Variants in HEATR3 observed in about 807,000 individuals in gnomAD.
The protein encoded by HEATR3 is HEAT repeat-containing protein 3.
Under a neutral mutation model 72.8 loss-of-function variants are expected in HEATR3, and 56 were observed. The ratio of observed to expected loss-of-function variants is 0.77; its 90% CI spans 0.62 to 0.96. HEATR3 has a LOEUF of 0.96. Among genes scored for constraint, HEATR3 ranks in the 40% least tolerant of loss-of-function variants. The probability of loss-of-function intolerance (pLI) is 0.00; values close to 1 mark genes in which losing one functional copy is unlikely to be tolerated. For synonymous variants in HEATR3, 331 were observed against 318.1 expected, an observed-to-expected ratio of 1.04 and a Z score of -0.43; for missense variants, 747 against 831.4, an observed-to-expected ratio of 0.90 and a Z score of 1.25.
At chr16:50,091,155 T>G (rs1047581516) in intron 11 of HEATR3, among the ~76,000 whole-genome samples, 1 of 141,682 alleles carries the variant, frequency 7.1e-6, no homozygotes, top group Non-Finnish European at 1.5e-5. Flanking sequence ...AAAAAGAAAT[T>G]AATTAATTAA....
At position 50,102,397 on chromosome 16, in the gene HEATR3, T is replaced by A. The variant is rs2037387596; in HGVS notation, c.1882T>A (p.Ser628Thr). 6.2e-7 allele frequency: 1 copy of A among 1,613,968 alleles called. No individual in the cohort carries two copies. ...ERASIQIKLL[S>T]ALKEFQPVFK... ...AGCCTCGATTCAAATTAAATTATTA[T>A]CTGCTCTGAAAGAATTCCAGCCGGT... The change falls in exon 14 of 15, where the codon TCT (serine) becomes ACT (threonine). Residue 628 changes from serine (S) to threonine (T), a missense_variant. Around this residue, in one of 2 missense-constraint regions of HEATR3, gnomAD observed 586 missense variants for 708.8 expected, o/e 0.83. Coordinates refer to ENST00000299192, the MANE Select transcript of HEATR3 (RefSeq NM_182922.4).
At position 50,105,960 on chromosome 16, in the gene HEATR3, A is replaced by G. The variant is rs1336707688; in HGVS notation, c.*899A>G. The G allele has an allele frequency of 2.0e-5, 3 of 152,302 alleles. No individual in the cohort carries two copies. The East Asian group carries it at 5.8e-4, about 29-fold the overall frequency. The allele number at this position is 152,302 out of a possible 1,614,324, so 9.4% of individuals were successfully genotyped here. A position where few individuals can be genotyped will look rare whatever the true frequency, so the allele number is the denominator to read the frequency against. On this transcript the variant is annotated 3_prime_UTR_variant, in exon 15 of 15. Transcript: ENST00000299192. ...GGCATATTTTAATCACTGGAAACTC[A>G]AAGAGTGGAAGAGTGGAAGTGCGAA...
rs775826997 is a variant in HEATR3 at position 50,066,428 on chromosome 16, A to G, written c.200A>G (p.Gln67Arg). ...CACAGLARLV[Q>R]QRPALPGLAR... is the part of the protein sequence containing the mutation. ...TGCGCAGGGCTGGCCCGGCTGGTGC[A>G]GCAGCGGCCGGCACTCCCGGGCCTG... The change falls in exon 2 of 15, where the codon CAG (glutamine) becomes CGG (arginine). Residue 67 changes from glutamine (Q) to arginine (R), a missense_variant. This residue lies in a region of HEATR3 where 161 missense variants were observed against 122.6 expected (regional missense o/e 1.31). Coordinates refer to ENST00000299192, the MANE Select transcript of HEATR3 (RefSeq NM_182922.4). 8.1e-6 allele frequency: 12 copies of G among 1,473,886 alleles called. No individual in the cohort carries two copies. The highest frequency in any genetic ancestry group is 5.4e-5 in the South Asian group (4 of 74,212). 91.3% of individuals were successfully genotyped at this position (1,473,886 alleles called of 1,614,324 possible).
intron 7 of HEATR3, among the ~76,000 whole-genome samples, chr16:50,081,019 T>G (rs1326997654): frequency 6.6e-6 from 1 of 152,168 alleles, no homozygotes; most frequent in Non-Finnish European, 1.5e-5. Flanking sequence ...TCTAACAAGG[T>G]TTAGATAGAA....
rs1567452622 is a variant in HEATR3, at chr16:50,105,065, A to G, written c.*4A>G. ...TGAGAAAAGACTGACTTCTTAAACA[A>G]TCCAAAAAAGAAACCAGTTCTTCCC... On this transcript the variant is annotated 3_prime_UTR_variant, in exon 15 of 15. Transcript: ENST00000299192. The G allele has an allele frequency of 6.2e-7, 1 of 1,607,998 alleles. No individual in the cohort carries two copies.
intron 11 of HEATR3, among the ~76,000 whole-genome samples, chr16:50,092,487 A>T (rs1597167120): frequency 8.0e-6 from 1 of 124,354 alleles, no homozygotes. Flanking sequence ...CCCAGGCTGG[A>T]GTGCAGTGGC....
intron 6 of HEATR3, among the ~76,000 whole-genome samples, chr16:50,076,733 T>A (rs1391341617): frequency 1.2e-5 from 1 of 85,988 alleles, no homozygotes; most frequent in African/African-American, 3.0e-5. Context: ...GGACTCTTGC[T>A]CTGTCACCCA....
At chr16:50,085,971 C>T (rs373832724) in intron 10 of HEATR3, among the ~76,000 whole-genome samples, 5 of 150,988 alleles carry the variant, frequency 3.3e-5, no homozygotes, top group East Asian at 4.0e-4. Context: ...GAGGCTACAG[C>T]GAGCTGTGAT....
chr16:50,101,927 CGTT>C (rs2037375320), intron 13 of HEATR3, among the ~76,000 whole-genome samples: 4 of 147,786 alleles, frequency 2.7e-5, no homozygotes, highest in African/African-American at 1.0e-4. Context: ...TTGTTGTTGT[CGTT>C]GTTGTTACAG....
Position 50,070,115 on chromosome 16 carries a change from C to G in HEATR3, c.400-63C>G. ...TCTAGCCTTTGTGTTTCATCACCATCATTACCCTATTTGTTTAATTCTTCT... is the reference window on the plus strand; with the variant it reads ...TCTAGCCTTTGTGTTTCATCACCATGATTACCCTATTTGTTTAATTCTTCT... On this transcript the variant is annotated intron_variant, in intron 3 of 14. Coordinates refer to ENST00000299192, the MANE Select transcript of HEATR3 (RefSeq NM_182922.4). The G allele has an allele frequency of 3.9e-6, 3 of 759,696 alleles. No homozygotes were observed. The Admixed American group carries it at 7.0e-5, about 18-fold the overall frequency. 47.1% of individuals were successfully genotyped at this position (759,696 alleles called of 1,614,324 possible). A position where few individuals can be genotyped will look rare whatever the true frequency, so the allele number is the denominator to read the frequency against.
At chr16:50,076,865 ATTTT>A (rs756365677) in intron 6 of HEATR3, among the ~76,000 whole-genome samples, 2 of 106,382 alleles carry the variant, frequency 1.9e-5, no homozygotes, top group African/African-American at 7.6e-5. Context: ...ACACCTGGCT[ATTTT>A]TTTTTTTTTT....
intron 11 of HEATR3, among the ~76,000 whole-genome samples, chr16:50,092,409 C>T (rs72796159): frequency 0.09 from 13,084 of 144,610 alleles, 669 homozygotes; most frequent in East Asian, 0.26. Flanking sequence ...GAACCTCTTC[C>T]AGGTCATTCT....
chr16:50,071,775 C>T (rs182750638), intron 4 of HEATR3, among the ~76,000 whole-genome samples: 8 of 152,166 alleles, frequency 5.3e-5, no homozygotes, highest in African/African-American at 1.9e-4. Context: ...GCTCTGTTAG[C>T]GTGTCATGTG....
chr16:50,070,637 G>A (rs2036591072), intron 4 of HEATR3, among the ~76,000 whole-genome samples: 1 of 152,084 alleles, frequency 6.6e-6, no homozygotes, highest in Admixed American at 6.6e-5. Context: ...TGGAGGCAGA[G>A]CTTGCAGTGA....
At position 50,086,281 on chromosome 16, in the gene HEATR3, G is replaced by A; in HGVS notation, c.1440G>A (p.Glu480=). Reference sequence around the variant, plus strand: ...GTCTTGTGTCCCTCCTGGATGTGGAGCACCTGGGAGGAGCCGCAGCCCTTC... The same window carrying A: ...GTCTTGTGTCCCTCCTGGATGTGGAACACCTGGGAGGAGCCGCAGCCCTTC... ...LQSLVSLLDV[E]HLGGAAALQT... is the part of the protein sequence containing the mutation. The change falls in exon 11 of 15, where the codon GAG becomes GAA. Residue 480 remains glutamate, a synonymous_variant. Coordinates refer to ENST00000299192, the MANE Select transcript of HEATR3 (RefSeq NM_182922.4). 1 of 1,586,050 alleles carries A rather than the reference G, an allele frequency of 6.3e-7. No individual in the cohort carries two copies. Among genetic ancestry groups the A allele is most frequent in the Non-Finnish European group, 8.6e-7 (1 of 1,165,064 alleles).
rs964936953 is a variant in HEATR3, at chr16:50,100,334, C to T, written c.1704C>T (p.Ser568=). ...NVVSILGITG[S]VLAKEDGTLE... is the part of the protein sequence containing the mutation. ...TTAGCATTTTAGGAATCACTGGCAG[C>T]GTCCTTGCCAAAGAAGATGGTACAC... is the stretch of plus-strand genomic sequence containing the variant. Residue 568 remains serine (S), a synonymous_variant, in exon 13 of 15, where the codon AGC becomes AGT. Transcript: ENST00000299192. The T allele has an allele frequency of 6.8e-6, 11 of 1,613,828 alleles. No individual in the cohort carries two copies. The highest frequency in any genetic ancestry group is 1.3e-5 in the African/African-American group (1 of 74,910).
chr16:50,094,328 C>T (rs2037183103), intron 11 of HEATR3, among the ~76,000 whole-genome samples: 1 of 152,206 alleles, frequency 6.6e-6, no homozygotes, highest in Non-Finnish European at 1.5e-5. Context: ...TCTGACTCCA[C>T]CAAAGGTAGT....
chr16:50,100,928 C>G (rs1286150979), intron 13 of HEATR3, among the ~76,000 whole-genome samples: 1 of 152,142 alleles, frequency 6.6e-6, no homozygotes, highest in Admixed American at 6.6e-5. Flanking sequence ...TACAGCGTCA[C>G]TAGTAATTAA....
chr16:50,085,583 A>G (rs1463014689), intron 10 of HEATR3, among the ~76,000 whole-genome samples: 1 of 152,156 alleles, frequency 6.6e-6, no homozygotes, highest in Non-Finnish European at 1.5e-5. Context: ...GTAGTGAGCT[A>G]TGATGGTGAC....
Sources: gnomAD v4.1 joint callset for allele counts (sites outside exome capture counted in the v4.1 genomes callset) on GRCh38, gnomAD v4.1.1 for gene constraint, gnomAD v4.1.1 regional missense constraint, MANE v1.5 for transcripts, NCBI Gene and HGNC (gene_info 2026-07-23, HGNC 2026-07-21) for gene names.